Variants in DCBLD1 observed in about 807,000 individuals in gnomAD.
DCBLD1 encodes the protein discoidin, CUB and LCCL domain-containing protein 1.
A neutral mutation model predicts 71.5 loss-of-function variants in DCBLD1; 57 were observed. The ratio of observed to expected loss-of-function variants is 0.80; its 90% CI spans 0.64 to 0.99. The LOEUF is 0.99. Among genes scored for constraint, DCBLD1 ranks in the 50% least tolerant of loss-of-function variants. The pLI is 0.00. For missense variants in DCBLD1, 891 were observed against 923.5 expected (o/e 0.96, Z 0.46); for synonymous variants, 380 against 363.8 (o/e 1.04, Z -0.51).
chr6:117,496,930 G>A (rs1009219652), intron 1 of DCBLD1, among the ~76,000 whole-genome samples: 2 of 152,090 alleles, frequency 1.3e-5, no homozygotes, highest in African/African-American at 2.4e-5. Context: ...ATTACTTGAG[G>A]TGTGATAAAA....
chr6:117,492,247 A>G (rs748934291), intron 1 of DCBLD1, among the ~76,000 whole-genome samples: 2 of 152,248 alleles, frequency 1.3e-5, no homozygotes, highest in African/African-American at 2.4e-5. Flanking sequence ...TTAAACCTCT[A>G]TCTTCATATG....
At chr6:117,558,478 A>G (rs1308651775) in intron 14 of DCBLD1, among the ~76,000 whole-genome samples, 1 of 152,116 alleles carries the variant, frequency 6.6e-6, no homozygotes, top group Admixed American at 6.5e-5. Flanking sequence ...ATGTTTTCCA[A>G]TTTCAGTCCC....
chr6:117,544,512 CT>C lies in DCBLD1; in HGVS notation c.1446-11del, dbSNP rs750389920. The C allele has an allele frequency of 1.2e-6, 2 of 1,613,184 alleles. No homozygotes were observed. Among genetic ancestry groups the C allele is most frequent in the African/African-American group, 1.3e-5 (1 of 74,834 alleles). On this transcript the variant is annotated splice_polypyrimidine_tract_variant and intron_variant, in intron 12 of 14. Transcript: ENST00000338728. ...ATTGGCTTATAAATATTCAGTAGGA[CT>C]TTTTGTCTTGATAGGAAGAAGAAGA...
intron 5 of DCBLD1, among the ~76,000 whole-genome samples, chr6:117,528,650 C>T (rs1778618232): frequency 6.6e-6 from 1 of 152,216 alleles, no homozygotes; most frequent in African/African-American, 2.4e-5. Context: ...ATAATGCCAT[C>T]CACCTGCAAT....
intron 2 of DCBLD1, among the ~76,000 whole-genome samples, chr6:117,505,478 G>T (rs1777809456): frequency 1.3e-5 from 2 of 152,130 alleles, no homozygotes; most frequent in Admixed American, 1.3e-4. Flanking sequence ...CCTGGAAGAT[G>T]AGCATTTCAT....
chr6:117,514,215 G>T (rs1306260084), intron 2 of DCBLD1, among the ~76,000 whole-genome samples: 1 of 152,120 alleles, frequency 6.6e-6, no homozygotes, highest in Non-Finnish European at 1.5e-5. Context: ...TTTGCCATAG[G>T]CAATACTACA....
Position 117,548,103 on chromosome 6 carries a change from C to A in DCBLD1, c.1812C>A (p.Ile604=). 1.3e-6 allele frequency: 2 copies of A among 1,549,596 alleles called. No individual in the cohort carries two copies. The highest frequency in any genetic ancestry group is 1.7e-6 in the Non-Finnish European group (2 of 1,146,460). The part of the protein sequence containing the change: ...APPEPEYATP[I]VERHVLRAHT... ...CGGAGCCCGAGTACGCCACGCCCAT[C>A]GTGGAGCGGCACGTGCTGCGCGCCC... The change falls in exon 15 of 15, where the codon ATC becomes ATA. Residue 604 remains isoleucine, a synonymous_variant. Coordinates refer to ENST00000338728, the MANE Select transcript of DCBLD1 (RefSeq NM_001366458.2).
At chr6:117,551,525 G>A (rs1226786856), downstream of DCBLD1, among the ~76,000 whole-genome samples, 1 of 151,858 alleles carries the variant, frequency 6.6e-6, no homozygotes, top group Non-Finnish European at 1.5e-5. Flanking sequence ...GACTACAGGC[G>A]CCCACCACGA....
intron 1 of DCBLD1, among the ~76,000 whole-genome samples, chr6:117,488,478 C>T (rs1777166640): frequency 6.6e-6 from 1 of 151,860 alleles, no homozygotes; most frequent in African/African-American, 2.4e-5. Context: ...ACCCCCGACT[C>T]TACAAAAAAT....
intron 2 of DCBLD1, among the ~76,000 whole-genome samples, chr6:117,518,517 A>G (rs1778280706): frequency 2.0e-5 from 3 of 152,144 alleles, no homozygotes; most frequent in Non-Finnish European, 4.4e-5. Flanking sequence ...ACTTAACTGT[A>G]TTAGTCCGTT....
intron 1 of DCBLD1, among the ~76,000 whole-genome samples, chr6:117,487,153 G>T (rs1777117325): frequency 2.0e-5 from 3 of 152,092 alleles, no homozygotes; most frequent in African/African-American, 7.2e-5. Flanking sequence ...CCAACAAAGT[G>T]TATAATTTAC....
chr6:117,503,195 A>G (rs1777721235), intron 1 of DCBLD1, among the ~76,000 whole-genome samples: 1 of 152,170 alleles, frequency 6.6e-6, no homozygotes, highest in African/African-American at 2.4e-5. Flanking sequence ...TGTACATCCC[A>G]AGTCTATGAG....
chr6:117,491,517 C>G (rs1424621214), intron 1 of DCBLD1, among the ~76,000 whole-genome samples: 1 of 152,098 alleles, frequency 6.6e-6, no homozygotes, highest in African/African-American at 2.4e-5. Flanking sequence ...GATTTCTTGA[C>G]TTTTTTCCTA....
chr6:117,550,016 C>T (rs142804345), downstream of DCBLD1, among the ~76,000 whole-genome samples: 66 of 152,324 alleles, frequency 4.3e-4, no homozygotes, highest in Non-Finnish European at 8.4e-4. Flanking sequence ...TGCTTTCTTC[C>T]TCCAAAACTT....
downstream of DCBLD1, among the ~76,000 whole-genome samples, chr6:117,551,970 A>C (rs573097665): frequency 2.6e-5 from 4 of 152,210 alleles, no homozygotes; most frequent in African/African-American, 9.6e-5. Context: ...ACAAAAAAAA[A>C]ATTAAATTAG....
rs1779364392 is a variant in DCBLD1, at chr6:117,548,764, A to G, written c.*325A>G. Reference sequence around the variant, plus strand: ...GTGTAATGTGTACAGAGTTGTATTTAACAATAATAAAAGTAACTTAAGTTT... The same window carrying G: ...GTGTAATGTGTACAGAGTTGTATTTGACAATAATAAAAGTAACTTAAGTTT... On this transcript the variant is annotated 3_prime_UTR_variant, in exon 15 of 15. Transcript: ENST00000338728. The G allele has an allele frequency of 2.6e-6, 3 of 1,169,186 alleles. No homozygotes were observed. Among genetic ancestry groups the G allele is most frequent in the South Asian group, 2.7e-5 (1 of 37,044 alleles). 72.4% of individuals were successfully genotyped at this position (1,169,186 alleles called of 1,614,324 possible). A position where few individuals can be genotyped will look rare whatever the true frequency, so the allele number is the denominator to read the frequency against.
intron 1 of DCBLD1, 73 bp downstream of exon 1, chr6:117,482,966 G>C: frequency 6.6e-6 from 4 of 607,430 alleles, no homozygotes; most frequent in Non-Finnish European, 7.8e-6. Flanking sequence ...GGGGCGGGCC[G>C]GGCCGGGCCG....
chr6:117,551,960 A>G (rs1456696415), downstream of DCBLD1, among the ~76,000 whole-genome samples: 3 of 152,032 alleles, frequency 2.0e-5, no homozygotes, highest in East Asian at 5.8e-4. Context: ...CCTCCTCTCT[A>G]CAAAAAAAAA....
rs534415247 is a variant in DCBLD1, at chr6:117,534,833, G to A, written c.720-2352G>A. The stretch of plus-strand genomic sequence containing the variant: ...CATGCAAAAAGTAGAGTACACAAAT[G>A]TAAACCATTAGTGAATTAGAAAGGG... On this transcript the variant is annotated intron_variant, in intron 6 of 14. Coordinates refer to ENST00000338728, the MANE Select transcript of DCBLD1 (RefSeq NM_001366458.2). Among the ~76,000 whole-genome samples the A allele has an allele frequency of 2.0e-5, 3 of 151,806 alleles. No individual in the cohort carries two copies. In the East Asian group the frequency reaches 5.8e-4, roughly 29 times the overall value.
Sources: allele counts gnomAD v4.1 joint callset (sites outside exome capture counted in the v4.1 genomes callset), GRCh38; gene constraint gnomAD v4.1.1; transcripts MANE v1.5; gene names NCBI Gene and HGNC (gene_info 2026-07-23, HGNC 2026-07-21).